The following MIGA1 variants were observed in gnomAD, a reference collection of about 807,000 sequenced individuals.
MIGA1 encodes mitoguardin 1, also known as family with sequence similarity 73, member A.
A neutral mutation model predicts 82.0 loss-of-function variants in MIGA1; 58 were observed. The observed-to-expected ratio is 0.71, with a 90% CI of 0.57 to 0.88. The LOEUF (loss-of-function observed/expected upper bound fraction) is 0.88. Ranked by LOEUF, MIGA1 falls within the 40% of genes least tolerant of loss-of-function variation. MIGA1 has a pLI of 0.00. For synonymous variants in MIGA1, 249 were observed against 253.6 expected (o/e 0.98, Z 0.17); for missense variants, 751 against 749.1 (o/e 1.00, Z -0.03).
At chr1:77,850,759 C>T (rs1685013938) in intron 8 of MIGA1, among the ~76,000 whole-genome samples, 1 of 152,136 alleles carries the variant, frequency 6.6e-6, no homozygotes, top group Non-Finnish European at 1.5e-5. Flanking sequence ...TTAGCTAATC[C>T]CCAAACACAG....
intron 5 of MIGA1, chr1:77,810,887 G>C (rs1488790126): frequency 1.2e-6 from 2 of 1,611,610 alleles, no homozygotes; most frequent in Non-Finnish European, 1.7e-6. Context: ...GTTTGATGTA[G>C]ATGAAGATAA....
At position 77,783,511 on chromosome 1, in the gene MIGA1, T is replaced by G. The variant is rs1435811571; in HGVS notation, c.195+160T>G. 2.6e-5 allele frequency among the ~76,000 whole-genome samples: 4 copies of G among 152,344 alleles called. No individual in the cohort carries two copies. The East Asian group carries it at 5.8e-4, about 22-fold the overall frequency. ...TACTTGGTTATTTCACGGGTTTTTG[T>G]TTTTGGTTTTGGTTATTGTAACTCT... On this transcript the variant is annotated intron_variant, in intron 2 of 15. Transcript: ENST00000370791.
rs182478051 is a variant in MIGA1, at chr1:77,824,844, A to G, written c.895+9613A>G. Among the ~76,000 whole-genome samples the G allele has an allele frequency of 1.9e-3, 284 of 152,270 alleles. 3 individuals are homozygous for G. Among genetic ancestry groups the G allele is most frequent in the African/African-American group, 6.5e-3 (268 of 41,546 alleles). Reference sequence around the variant, plus strand: ...TAAAATATAACCCACTCCATATTCTATAATTTATTGTTTGCCATGTTCCAT... The same window carrying G: ...TAAAATATAACCCACTCCATATTCTGTAATTTATTGTTTGCCATGTTCCAT... On this transcript the variant is annotated intron_variant, in intron 7 of 15. Coordinates refer to ENST00000370791, the MANE Select transcript of MIGA1 (RefSeq NM_198549.4).
rs747991246 is a variant in MIGA1, at chr1:77,813,763, C to T, written c.667C>T (p.Arg223Ter). 1.9e-6 allele frequency: 3 copies of T among 1,614,042 alleles called. No individual in the cohort carries two copies. The highest frequency in any genetic ancestry group is 1.3e-5 in the African/African-American group (1 of 75,008). ...GGAATTGTTTGAAGAGGCATTGCGTCGATGGGAACAAGCTCTGACCTTTCG... is the reference window on the plus strand; with the variant it reads ...GGAATTGTTTGAAGAGGCATTGCGTTGATGGGAACAAGCTCTGACCTTTCG... Residue 223 changes from arginine (R) to a stop codon, truncating the protein, a stop_gained, in exon 6 of 16, where the codon CGA becomes TGA. Coordinates refer to ENST00000370791, the MANE Select transcript of MIGA1 (RefSeq NM_198549.4). LOFTEE classifies it high-confidence loss of function.
chr1:77,810,401 C>T (rs1213533644), intron 5 of MIGA1, among the ~76,000 whole-genome samples: 9 of 151,690 alleles, frequency 5.9e-5, no homozygotes, highest in African/African-American at 2.2e-4. Context: ...CCATTCCTCT[C>T]AAAGCAGTTT....
At chr1:77,832,235 A>G (rs1319327534) in intron 7 of MIGA1, among the ~76,000 whole-genome samples, 1 of 152,224 alleles carries the variant, frequency 6.6e-6, no homozygotes, top group Non-Finnish European at 1.5e-5. Context: ...CATATTTCAG[A>G]TAAGTGTTTA....
chr1:77,801,629 T>A, intron 3 of MIGA1, 121 bp downstream of exon 3: 1 of 768,640 alleles, frequency 1.3e-6, no homozygotes, highest in Non-Finnish European at 1.9e-6. Context: ...TCAAAAGTAG[T>A]ACAGATTTAT....
intron 7 of MIGA1, among the ~76,000 whole-genome samples, chr1:77,836,770 C>A (rs1404356586): frequency 6.6e-6 from 1 of 152,036 alleles, no homozygotes; most frequent in African/African-American, 2.4e-5. Flanking sequence ...GGGATATGGT[C>A]AACATACCCT....
intron 5 of MIGA1, among the ~76,000 whole-genome samples, chr1:77,810,091 T>C (rs1683262658): frequency 1.3e-5 from 2 of 149,240 alleles, no homozygotes; most frequent in South Asian, 4.3e-4. Flanking sequence ...TCTAAAACTT[T>C]GTAATTATTT....
intron 7 of MIGA1, among the ~76,000 whole-genome samples, chr1:77,815,494 C>A (rs1230158747): frequency 6.6e-6 from 1 of 151,920 alleles, no homozygotes; most frequent in Non-Finnish European, 1.5e-5. Context: ...GTGAAAAAAT[C>A]TAGTTAAGAG....
chr1:77,793,104 T>G (rs1210463720), intron 2 of MIGA1, among the ~76,000 whole-genome samples: 3 of 151,884 alleles, frequency 2.0e-5, no homozygotes, highest in Non-Finnish European at 4.4e-5. Flanking sequence ...TTTTTTTGTT[T>G]GTATGTTTTT....
rs553862043 is a variant in MIGA1, at chr1:77,857,350, A to G, written c.997-1588A>G. 1.2e-4 allele frequency among the ~76,000 whole-genome samples: 18 copies of G among 150,092 alleles called. 1 individual carries two copies. In the South Asian group the frequency reaches 3.8e-3, roughly 32 times the overall value. On this transcript the variant is annotated intron_variant, in intron 8 of 15. Coordinates refer to ENST00000370791, the MANE Select transcript of MIGA1 (RefSeq NM_198549.4). ...TTTTTTTTTTTGTTTTTGCTTTGTA[A>G]CTTGTATTGTATTGTATTGTATTTA...
At chr1:77,848,113 A>G in intron 8 of MIGA1, 4 of 1,319,598 alleles carry the variant, frequency 3.0e-6, no homozygotes, top group Non-Finnish European at 4.4e-6. Flanking sequence ...CAATCCAGAG[A>G]CGAGGAGAAC....
At chr1:77,803,127 A>T in intron 3 of MIGA1, 143 bp from the exon 4 acceptor site, 1 of 413,844 alleles carries the variant, frequency 2.4e-6, no homozygotes, top group Non-Finnish European at 4.2e-6. Flanking sequence ...AATGATGTAC[A>T]TGTAATAATT....
chr1:77,875,258 C>T lies in MIGA1; in HGVS notation c.*194C>T. 2.0e-6 allele frequency: 1 copy of T among 507,334 alleles called. No homozygotes were observed. The highest frequency in any genetic ancestry group is 1.9e-5 in the African/African-American group (1 of 51,350). 31.4% of individuals were successfully genotyped at this position (507,334 alleles called of 1,614,324 possible). On this transcript the variant is annotated 3_prime_UTR_variant, in exon 16 of 16. Coordinates refer to ENST00000370791, the MANE Select transcript of MIGA1 (RefSeq NM_198549.4). ...TCATTGAATTCCTGTGTAGTGTAGT[C>T]ATAGTGGCTTTTTGCATTCATTAGG...
chr1:77,817,515 C>T (rs1570954806), intron 7 of MIGA1, among the ~76,000 whole-genome samples: 2 of 152,300 alleles, frequency 1.3e-5, no homozygotes, highest in Middle Eastern at 3.4e-3. Flanking sequence ...CCGTCCAGTT[C>T]GTTGGCCTCC....
chr1:77,796,906 C>G (rs189488045), intron 2 of MIGA1, among the ~76,000 whole-genome samples: 1 of 152,114 alleles, frequency 6.6e-6, no homozygotes, highest in Admixed American at 6.5e-5. Context: ...ACCACAGCAC[C>G]AAACAGAACA....
At chr1:77,819,240 G>A (rs992137641) in intron 7 of MIGA1, among the ~76,000 whole-genome samples, 1 of 152,048 alleles carries the variant, frequency 6.6e-6, no homozygotes, top group East Asian at 1.9e-4. Context: ...GGAGGAACCC[G>A]GGTTTGGACC....
At chr1:77,872,367 A>C (rs1557941385) in intron 14 of MIGA1, among the ~76,000 whole-genome samples, 1 of 152,114 alleles carries the variant, frequency 6.6e-6, no homozygotes, top group Non-Finnish European at 1.5e-5. Flanking sequence ...TTGGGAGGCA[A>C]AGTAGGGAGG....
Sources: allele counts gnomAD v4.1 joint callset (sites outside exome capture counted in the v4.1 genomes callset), GRCh38; gene constraint gnomAD v4.1.1; transcripts MANE v1.5; gene names NCBI Gene and HGNC (gene_info 2026-07-23, HGNC 2026-07-21).